Variants in HS2ST1 observed in about 807,000 individuals in gnomAD.
HS2ST1 encodes 2-O-sulfotransferase.
HS2ST1 carries 18 observed loss-of-function variants against 42.9 expected under a neutral mutation model. The ratio of observed to expected loss-of-function variants is 0.42; its 90% CI spans 0.29 to 0.62. The LOEUF (loss-of-function observed/expected upper bound fraction) is 0.62. Among genes scored for constraint, HS2ST1 ranks in the 20% least tolerant of loss-of-function variants. The probability of loss-of-function intolerance (pLI) is 0.21; values close to 1 mark genes in which losing one functional copy is unlikely to be tolerated. For missense variants in HS2ST1, 334 were observed against 433.8 expected, an observed-to-expected ratio of 0.77 and a Z score of 2.04; for synonymous variants, 146 against 152.9, an observed-to-expected ratio of 0.95 and a Z score of 0.33.
At chr1:87,034,380 A>G (rs1227106385) in intron 1 of HS2ST1, among the ~76,000 whole-genome samples, 5 of 152,186 alleles carry the variant, frequency 3.3e-5, no homozygotes. Flanking sequence ...CAGAGTAACT[A>G]TTATAAGTGG....
chr1:87,030,992 T>C (rs1393726111), intron 1 of HS2ST1, among the ~76,000 whole-genome samples: 1 of 152,112 alleles, frequency 6.6e-6, no homozygotes, highest in Non-Finnish European at 1.5e-5. Context: ...CAGGCTGGAG[T>C]ACAGTGGCCT....
At chr1:86,996,141 T>C (rs1274794224) in intron 1 of HS2ST1, among the ~76,000 whole-genome samples, 3 of 151,532 alleles carry the variant, frequency 2.0e-5, no homozygotes, top group Non-Finnish European at 2.9e-5. Flanking sequence ...TGGAAAGAGA[T>C]TTTTAAAAGA....
chr1:86,947,376 T>C (rs1328366525), intron 1 of HS2ST1, among the ~76,000 whole-genome samples: 1 of 152,236 alleles, frequency 6.6e-6, no homozygotes, highest in African/African-American at 2.4e-5. Context: ...ATTCTTAGTG[T>C]GTTAGGAATG....
intron 1 of HS2ST1, among the ~76,000 whole-genome samples, chr1:86,935,080 C>T (rs547219321): frequency 1.9e-4 from 29 of 151,754 alleles, no homozygotes; most frequent in African/African-American, 5.1e-4. Flanking sequence ...TTGACTGTTT[C>T]GTTCTTTAGT....
intron 1 of HS2ST1, among the ~76,000 whole-genome samples, chr1:87,008,898 C>A (rs1180191151): frequency 6.6e-6 from 1 of 152,164 alleles, no homozygotes; most frequent in Non-Finnish European, 1.5e-5. Flanking sequence ...GGCTAGAGTG[C>A]AGTGGTGCAA....
intron 1 of HS2ST1, among the ~76,000 whole-genome samples, chr1:87,043,105 G>A (rs1650561384): frequency 6.6e-6 from 1 of 152,164 alleles, no homozygotes; most frequent in South Asian, 2.1e-4. Context: ...ATCTTTCTAT[G>A]TAGAGAACCG....
chr1:86,973,920 A>C (rs938944533), intron 1 of HS2ST1, among the ~76,000 whole-genome samples: 1 of 152,182 alleles, frequency 6.6e-6, no homozygotes, highest in Non-Finnish European at 1.5e-5. Flanking sequence ...GAGCAATTTA[A>C]GAGTTTAAGT....
intron 1 of HS2ST1, among the ~76,000 whole-genome samples, chr1:87,032,736 T>G (rs1650270571): frequency 6.6e-6 from 1 of 152,144 alleles, no homozygotes; most frequent in Non-Finnish European, 1.5e-5. Flanking sequence ...GCATTGTTCT[T>G]TTTTCAATTA....
At chr1:86,962,492 T>C (rs1395324719) in intron 1 of HS2ST1, among the ~76,000 whole-genome samples, 3 of 152,232 alleles carry the variant, frequency 2.0e-5, no homozygotes, top group African/African-American at 7.2e-5. Flanking sequence ...TAACCTAACA[T>C]TGCACATTTT....
intron 1 of HS2ST1, among the ~76,000 whole-genome samples, chr1:87,009,591 A>G (rs1361256330): frequency 6.6e-6 from 1 of 152,216 alleles, no homozygotes; most frequent in Non-Finnish European, 1.5e-5. Flanking sequence ...GTAAACCGTG[A>G]TAGCAAACAA....
intron 1 of HS2ST1, among the ~76,000 whole-genome samples, chr1:87,060,053 T>C (rs1046318141): frequency 7.9e-5 from 12 of 152,202 alleles, no homozygotes; most frequent in Admixed American, 5.2e-4. Context: ...TAGAATATTA[T>C]ACAATTACTA....
chr1:87,085,693 CTTGAA>C (rs1209035775), intron 3 of HS2ST1, among the ~76,000 whole-genome samples: 10 of 152,116 alleles, frequency 6.6e-5, no homozygotes, highest in African/African-American at 2.2e-4. Context: ...CTGCATTATC[CTTGAA>C]TTGAATGTTT....
chr1:87,039,726 CTCACAGAGCT>C (rs1427568445), intron 1 of HS2ST1, among the ~76,000 whole-genome samples: 1 of 152,126 alleles, frequency 6.6e-6, no homozygotes, highest in African/African-American at 2.4e-5. Context: ...TGGTTTTATC[CTCACAGAGCT>C]TCAGTTGCTT....
intron 3 of HS2ST1, among the ~76,000 whole-genome samples, chr1:87,090,408 A>G (rs1570541532): frequency 6.6e-6 from 1 of 152,046 alleles, no homozygotes; most frequent in Non-Finnish European, 1.5e-5. Context: ...TTACTGCACT[A>G]TTGGTACTAT....
Position 86,914,889 on chromosome 1 carries a change from A to G in HS2ST1, c.-148A>G. On this transcript the variant is annotated 5_prime_UTR_variant, in exon 1 of 7. Transcript: ENST00000370550. ...CTGGGGGAGGGGGACTGGAGAGGCG[A>G]GAAGGGGGGTCGCTGCGGTGGTTCT... 2.2e-6 allele frequency: 2 copies of G among 899,716 alleles called. No homozygotes were observed. The highest frequency in any genetic ancestry group is 3.4e-6 in the Non-Finnish European group (2 of 594,518). 55.7% of individuals were successfully genotyped at this position (899,716 alleles called of 1,614,324 possible).
chr1:87,016,194 T>G (rs934351263), intron 1 of HS2ST1, among the ~76,000 whole-genome samples: 2 of 152,322 alleles, frequency 1.3e-5, no homozygotes, highest in Middle Eastern at 3.4e-3. Context: ...TATTATATCT[T>G]TATTTAACTC....
intron 1 of HS2ST1, among the ~76,000 whole-genome samples, chr1:86,930,339 A>G (rs1257426499): frequency 6.6e-6 from 1 of 151,952 alleles, no homozygotes; most frequent in African/African-American, 2.4e-5. Context: ...CATTTTAGCT[A>G]TACCTTTAAA....
intron 1 of HS2ST1, among the ~76,000 whole-genome samples, chr1:86,931,811 A>G (rs538050876): frequency 1.3e-5 from 2 of 152,258 alleles, no homozygotes; most frequent in East Asian, 1.9e-4. Flanking sequence ...GCTTAATACC[A>G]GTAATCTTTT....
chr1:87,079,034 A>G lies in HS2ST1; in HGVS notation c.364-5160A>G, dbSNP rs141852761. On this transcript the variant is annotated intron_variant, in intron 2 of 6. Transcript: ENST00000370550. The stretch of plus-strand genomic sequence containing the variant: ...CTTTAAAAATAAAACTTTTAAAAGT[A>G]CTGTTTTTCAAAGGGAGTTACTCAT... Among the ~76,000 whole-genome samples the G allele has an allele frequency of 2.4e-3, 371 of 152,336 alleles. 3 individuals are homozygous for G. Among genetic ancestry groups the G allele is most frequent in the African/African-American group, 8.6e-3 (358 of 41,574 alleles).
Sources: allele counts gnomAD v4.1 joint callset (sites outside exome capture counted in the v4.1 genomes callset), GRCh38; gene constraint gnomAD v4.1.1; transcripts MANE v1.5; gene names NCBI Gene and HGNC (gene_info 2026-07-23, HGNC 2026-07-21).